The following HHAT variants were observed in gnomAD, a reference collection of about 807,000 sequenced individuals.
HHAT encodes protein-cysteine N-palmitoyltransferase HHAT.
A neutral mutation model predicts 70.8 loss-of-function variants in HHAT; 47 were observed. The observed-to-expected ratio is 0.66, with a 90% CI of 0.53 to 0.85. The LOEUF is 0.85. HHAT is among the 40% of genes least tolerant of loss of function. HHAT has a pLI of 0.00. For missense variants in HHAT, 609 were observed against 604.8 expected, an observed-to-expected ratio of 1.01 and a Z score of -0.07; for synonymous variants, 228 against 247.6, an observed-to-expected ratio of 0.92 and a Z score of 0.74.
intron 10 of HHAT, among the ~76,000 whole-genome samples, chr1:210,607,778 A>G (rs1665796051): frequency 6.6e-6 from 1 of 151,234 alleles, no homozygotes; most frequent in Admixed American, 6.6e-5. Flanking sequence ...GAAGTCATTC[A>G]CGACCATATG....
chr1:210,582,229 A>G (rs1026867020), intron 9 of HHAT, among the ~76,000 whole-genome samples: 3 of 152,178 alleles, frequency 2.0e-5, no homozygotes, highest in Admixed American at 6.5e-5. Context: ...ATCCTCTTTT[A>G]TTCAGGATTT....
chr1:210,576,028 G>T (rs1657654784), intron 9 of HHAT, among the ~76,000 whole-genome samples: 1 of 152,154 alleles, frequency 6.6e-6, no homozygotes, highest in Non-Finnish European at 1.5e-5. Flanking sequence ...TCTGCAGCCA[G>T]TGTTAGGTGT....
intron 8 of HHAT, among the ~76,000 whole-genome samples, chr1:210,471,291 C>A (rs762946331): frequency 3.3e-5 from 5 of 152,106 alleles, no homozygotes; most frequent in Non-Finnish European, 7.4e-5. Context: ...CATATCACAT[C>A]TGCCGCAATT....
intron 11 of HHAT, 148 bp from the exon 12 acceptor site, chr1:210,674,140 A>G (rs1044971111): frequency 4.6e-6 from 3 of 648,244 alleles, no homozygotes; most frequent in Admixed American, 2.4e-5. Context: ...GTAGGACTCA[A>G]TTGCTGAAGT....
intron 10 of HHAT, among the ~76,000 whole-genome samples, chr1:210,621,280 C>T (rs935286295): frequency 6.6e-6 from 1 of 152,084 alleles, no homozygotes; most frequent in African/African-American, 2.4e-5. Flanking sequence ...TCACACAGGG[C>T]CTTTGTGTTC....
chr1:210,531,669 G>A lies in HHAT; in HGVS notation c.1043+18481G>A, dbSNP rs191543651. 3.9e-3 allele frequency among the ~76,000 whole-genome samples: 588 copies of A among 152,228 alleles called. 2 individuals are homozygous for A. Among genetic ancestry groups the A allele is most frequent in the Non-Finnish European group, 6.7e-3 (456 of 68,030 alleles). The stretch of plus-strand genomic sequence containing the variant: ...TTCCCTAAGTTGTTATCTCTTATCT[G>A]TCCATCAGTCCACAATACCATCTGT... On this transcript the variant is annotated intron_variant, in intron 9 of 11. Coordinates refer to ENST00000261458, the MANE Select transcript of HHAT (RefSeq NM_018194.6).
chr1:210,414,666 A>G (rs2092665894), intron 6 of HHAT, among the ~76,000 whole-genome samples: 1 of 152,124 alleles, frequency 6.6e-6, no homozygotes, highest in African/African-American at 2.4e-5. Context: ...TCTCTAACAG[A>G]GAGGGCCCAA....
chr1:210,476,247 C>A (rs1018958591), intron 8 of HHAT, among the ~76,000 whole-genome samples: 5 of 152,316 alleles, frequency 3.3e-5, no homozygotes, highest in Admixed American at 2.6e-4. Context: ...TTATTCTAAT[C>A]CACCTGTCTG....
chr1:210,402,069 G>C (rs1203626508), intron 5 of HHAT, among the ~76,000 whole-genome samples: 1 of 152,182 alleles, frequency 6.6e-6, no homozygotes, highest in Non-Finnish European at 1.5e-5. Context: ...GCCAAGGTCT[G>C]TGGCTGCAGG....
rs576334909 is a variant in HHAT, at chr1:210,438,905, GAC to G, written c.856+20584_856+20585del. 2.6e-5 allele frequency among the ~76,000 whole-genome samples: 4 copies of G among 151,986 alleles called. No individual in the cohort carries two copies. The South Asian group carries it at 8.3e-4, about 31-fold the overall frequency. On this transcript the variant is annotated intron_variant, in intron 7 of 11. Transcript: ENST00000261458. ...CGCTATTTTACAGTGAGGAAATGGA[GAC>G]ACAGAGAGGTTCAACTTGAGTATCT...
At chr1:210,375,112 T>C (rs2090079157) in intron 3 of HHAT, among the ~76,000 whole-genome samples, 1 of 142,654 alleles carries the variant, frequency 7.0e-6, no homozygotes, top group African/African-American at 2.8e-5. Context: ...TGTGTATATG[T>C]ATATAGTTAT....
At chr1:210,644,504 G>A (rs915372296) in intron 11 of HHAT, among the ~76,000 whole-genome samples, 5 of 150,284 alleles carry the variant, frequency 3.3e-5, no homozygotes, top group African/African-American at 1.2e-4. Flanking sequence ...TTAGGAGTCT[G>A]AGGCAGGATA....
chr1:210,475,007 C>T (rs979183909), intron 8 of HHAT, among the ~76,000 whole-genome samples: 15 of 142,340 alleles, frequency 1.1e-4, no homozygotes, highest in African/African-American at 3.8e-4. Context: ...TGGGCCACCA[C>T]AACTAGCTAT....
At chr1:210,353,091 A>G (rs969716993) in intron 2 of HHAT, among the ~76,000 whole-genome samples, 1 of 151,964 alleles carries the variant, frequency 6.6e-6, no homozygotes, top group African/African-American at 2.4e-5. Context: ...GCATGCCACC[A>G]TGCCTGGCTA....
intron 9 of HHAT, among the ~76,000 whole-genome samples, chr1:210,582,575 A>C (rs1267007531): frequency 6.6e-6 from 1 of 152,138 alleles, no homozygotes; most frequent in African/African-American, 2.4e-5. Flanking sequence ...TACCACATGG[A>C]TTGTTACCAC....
chr1:210,476,450 G>A (rs1420534684), intron 8 of HHAT, among the ~76,000 whole-genome samples: 1 of 152,220 alleles, frequency 6.6e-6, no homozygotes, highest in African/African-American at 2.4e-5. Context: ...TTAGCATGGT[G>A]TATAAGCCTG....
chr1:210,636,862 G>A (rs1310500829), intron 11 of HHAT, among the ~76,000 whole-genome samples: 1 of 152,166 alleles, frequency 6.6e-6, no homozygotes, highest in Non-Finnish European at 1.5e-5. Flanking sequence ...GCTAAGAGAA[G>A]TTAGGTGTGT....
At chr1:210,547,733 C>T (rs139836751) in intron 9 of HHAT, among the ~76,000 whole-genome samples, 239 of 152,254 alleles carry the variant, frequency 1.6e-3, no homozygotes, top group African/African-American at 5.5e-3. Flanking sequence ...TTCAGACTTC[C>T]GAGTTTCCCT....
chr1:210,452,747 T>G (rs2093779856), intron 7 of HHAT, among the ~76,000 whole-genome samples: 1 of 152,238 alleles, frequency 6.6e-6, no homozygotes, highest in South Asian at 2.1e-4. Context: ...TATTATTGAA[T>G]GGTGCTTCTC....
Sources: gnomAD v4.1 joint callset for allele counts (sites outside exome capture counted in the v4.1 genomes callset) on GRCh38, gnomAD v4.1.1 for gene constraint, MANE v1.5 for transcripts, NCBI Gene and HGNC (gene_info 2026-07-23, HGNC 2026-07-21) for gene names.